Variants in GRIK1 observed in about 807,000 individuals in gnomAD.
GRIK1 encodes glutamate ionotropic receptor kainate type subunit 1.
In GRIK1, 69 loss-of-function variants were observed where a neutral mutation model predicts 105.7. The ratio of observed to expected loss-of-function variants is 0.65; its 90% CI spans 0.54 to 0.80. The LOEUF (loss-of-function observed/expected upper bound fraction) is 0.80, where lower values mean the gene tolerates loss of function less well. GRIK1 is among the 30% of genes least tolerant of loss of function. GRIK1 has a pLI of 0.00. For missense variants in GRIK1, 1,109 were observed against 1,167.3 expected, an observed-to-expected ratio of 0.95 and a Z score of 0.73; for synonymous variants, 438 against 431.3, an observed-to-expected ratio of 1.02 and a Z score of -0.19.
intron 1 of GRIK1, among the ~76,000 whole-genome samples, chr21:29,766,805 C>G (rs1490728826): frequency 1.3e-5 from 2 of 151,762 alleles, no homozygotes; most frequent in Admixed American, 1.3e-4. Flanking sequence ...AAAACAGTCT[C>G]TTTGAAATGG....
At chr21:29,716,852 A>G (rs1310173708) in intron 1 of GRIK1, among the ~76,000 whole-genome samples, 2 of 152,224 alleles carry the variant, frequency 1.3e-5, no homozygotes, top group African/African-American at 4.8e-5. Context: ...CACCAAGACA[A>G]TGGGGAAAAT....
At chr21:29,641,300 G>C (rs1475656477) in intron 7 of GRIK1, among the ~76,000 whole-genome samples, 1 of 152,128 alleles carries the variant, frequency 6.6e-6, no homozygotes, top group Non-Finnish European at 1.5e-5. Context: ...TTCCCATGCT[G>C]TTCTCGTGAT....
At chr21:29,852,610 TG>T (rs910445192) in intron 1 of GRIK1, among the ~76,000 whole-genome samples, 2 of 152,204 alleles carry the variant, frequency 1.3e-5, no homozygotes, top group Non-Finnish European at 2.9e-5. Flanking sequence ...GCCTGAAAGC[TG>T]AAGCAAATGA....
intron 1 of GRIK1, among the ~76,000 whole-genome samples, chr21:29,734,045 C>T (rs964459880): frequency 8.5e-5 from 13 of 152,092 alleles, no homozygotes; most frequent in African/African-American, 2.9e-4. Flanking sequence ...CTGTGTTTAA[C>T]AATAGGCTTG....
chr21:29,537,506 T>G (rs571391224), intron 17 of GRIK1, 121 bp from the exon 18 acceptor site: 1 of 795,736 alleles, frequency 1.3e-6, no homozygotes, highest in African/African-American at 1.7e-5. Context: ...TCTGTCACAA[T>G]TGGCCAGTTC....
chr21:29,574,683 CTTTTTTT>C (rs71191118), intron 14 of GRIK1, among the ~76,000 whole-genome samples: 4 of 98,408 alleles, frequency 4.1e-5, no homozygotes, highest in East Asian at 5.7e-4. Context: ...TGATACACTT[CTTTTTTT>C]TTTTTTTTTT....
intron 1 of GRIK1, among the ~76,000 whole-genome samples, chr21:29,854,723 A>T (rs1193600255): frequency 1.3e-5 from 2 of 152,122 alleles, no homozygotes; most frequent in Admixed American, 1.3e-4. Flanking sequence ...AGGAACTAGG[A>T]TCATGATGGT....
intron 1 of GRIK1, among the ~76,000 whole-genome samples, chr21:29,792,794 G>GTT (rs2066456567): frequency 1.3e-5 from 2 of 152,148 alleles, no homozygotes; most frequent in Non-Finnish European, 1.5e-5. Context: ...TAGTATGAAA[G>GTT]TGACAGTACA....
chr21:29,753,972 T>C (rs2065271624), intron 1 of GRIK1, among the ~76,000 whole-genome samples: 1 of 152,178 alleles, frequency 6.6e-6, no homozygotes, highest in Non-Finnish European at 1.5e-5. Context: ...GGGATCCTTT[T>C]TCTTAAGGAG....
intron 1 of GRIK1, among the ~76,000 whole-genome samples, chr21:29,840,892 C>T (rs2067960489): frequency 6.6e-6 from 1 of 151,906 alleles, no homozygotes; most frequent in African/African-American, 2.4e-5. Flanking sequence ...GGGAAAAAAA[C>T]ATAAACATGG....
chr21:29,803,535 A>T (rs1361752703), intron 1 of GRIK1, among the ~76,000 whole-genome samples: 2 of 152,184 alleles, frequency 1.3e-5, no homozygotes, highest in South Asian at 4.1e-4. Context: ...AACTTCAAAG[A>T]CAATTTTGGG....
At chr21:29,752,809 C>T (rs990150285) in intron 1 of GRIK1, among the ~76,000 whole-genome samples, 4 of 152,202 alleles carry the variant, frequency 2.6e-5, no homozygotes, top group Admixed American at 1.3e-4. Context: ...TGCACTCCAA[C>T]TTTGGATGAC....
At chr21:29,584,186 G>A (rs2091081370) in intron 12 of GRIK1, among the ~76,000 whole-genome samples, 1 of 152,158 alleles carries the variant, frequency 6.6e-6, no homozygotes, top group African/African-American at 2.4e-5. Context: ...AGAATGCACA[G>A]TAGGCTGCAT....
chr21:29,818,636 G>A (rs2067217652), intron 1 of GRIK1, among the ~76,000 whole-genome samples: 1 of 152,070 alleles, frequency 6.6e-6, no homozygotes, highest in African/African-American at 2.4e-5. Context: ...GTTATTTAAT[G>A]GATATTGCCT....
intron 2 of GRIK1, among the ~76,000 whole-genome samples, chr21:29,691,902 C>T (rs538563259): frequency 2.0e-5 from 3 of 152,262 alleles, no homozygotes; most frequent in East Asian, 1.9e-4. Context: ...GCATTAACTA[C>T]GAAGATGTAC....
chr21:29,692,237 G>A (rs184672860), intron 2 of GRIK1, among the ~76,000 whole-genome samples: 33 of 152,280 alleles, frequency 2.2e-4, no homozygotes, highest in South Asian at 1.7e-3. Context: ...GAAAGCTTTC[G>A]ATTTTTATGT....
intron 14 of GRIK1, among the ~76,000 whole-genome samples, chr21:29,575,465 A>G (rs1277189932): frequency 1.3e-5 from 2 of 152,198 alleles, no homozygotes; most frequent in Non-Finnish European, 2.9e-5. Flanking sequence ...TTTAAAAAGG[A>G]AATAAGAATG....
chr21:29,835,357 G>A (rs1243045555), intron 1 of GRIK1, among the ~76,000 whole-genome samples: 3 of 152,160 alleles, frequency 2.0e-5, no homozygotes, highest in Non-Finnish European at 4.4e-5. Flanking sequence ...TTTGAGAGGC[G>A]TGGCCCCAGG....
Position 29,577,988 on chromosome 21 carries a change from T to A in GRIK1, c.1913-807A>T, listed in dbSNP as rs976848485. On this transcript the variant is annotated intron_variant, in intron 13 of 17. Coordinates refer to ENST00000327783, the MANE Select transcript of GRIK1 (RefSeq NM_001330994.2). Reference sequence around the variant, plus strand: ...AATGTGTTTTCCAAGGAAACCTTCCTCTCTAAAAGAAAGGGTTTATGAGCT... The same window carrying A: ...AATGTGTTTTCCAAGGAAACCTTCCACTCTAAAAGAAAGGGTTTATGAGCT... Among the ~76,000 whole-genome samples the A allele has an allele frequency of 5.9e-5, 9 of 152,220 alleles. No individual in the cohort carries two copies. The South Asian group carries it at 1.7e-3, about 28-fold the overall frequency.
Sources: allele counts gnomAD v4.1 joint callset (sites outside exome capture counted in the v4.1 genomes callset), GRCh38; gene constraint gnomAD v4.1.1; transcripts MANE v1.5; gene names NCBI Gene and HGNC (gene_info 2026-07-23, HGNC 2026-07-21).